CLEC2A: variants seen among roughly 807,000 people sequenced by gnomAD.
CLEC2A encodes keratinocyte-associated C-type lectin.
A neutral mutation model predicts 18.6 loss-of-function variants in CLEC2A; 19 were observed. That is an observed-to-expected ratio of 1.02 (90% confidence interval 0.71 to 1.50). The LOEUF is 1.50. Among genes scored for constraint, CLEC2A ranks in the 40% most tolerant of loss-of-function variants. The pLI is 0.00. For missense variants in CLEC2A, 190 were observed against 207.9 expected, an observed-to-expected ratio of 0.91 and a Z score of 0.53; for synonymous variants, 74 against 64.0, an observed-to-expected ratio of 1.16 and a Z score of -0.75.
downstream of CLEC2A, among the ~76,000 whole-genome samples, chr12:9,911,065 G>A (rs913342084): frequency 5.3e-5 from 8 of 152,262 alleles, no homozygotes; most frequent in South Asian, 4.1e-4. Context: ...TTCCTAACAC[G>A]GTCCCTGCTT....
intron 3 of CLEC2A, among the ~76,000 whole-genome samples, chr12:9,921,600 C>G (rs954224203): frequency 2.0e-5 from 3 of 152,028 alleles, no homozygotes; most frequent in Non-Finnish European, 4.4e-5. Flanking sequence ...AACAAACAAA[C>G]AAACAAACAA....
the CLEC2A span, among the ~76,000 whole-genome samples, chr12:9,883,210 C>T: frequency 1.3e-5 from 2 of 152,110 alleles, no homozygotes; most frequent in Non-Finnish European, 2.9e-5. Context: ...TACACCTATT[C>T]CTTAAGATTG....
In CLEC2A at chr12:9,917,957, C is replaced by A. The variant is rs1013611838; in HGVS notation, c.307-1154G>T. On this transcript the variant is annotated intron_variant, in intron 3 of 4. Coordinates refer to ENST00000455827, the MANE Select transcript of CLEC2A (RefSeq NM_001130711.2). ...CCAATTTTAATAGGGTTGTTTTTCT[C>A]TTGTAAATTTGTTTTAAGTTCCTTA... Among the ~76,000 whole-genome samples, 10 of 151,906 alleles carry A rather than the reference C, an allele frequency of 6.6e-5. No homozygotes were observed. In the South Asian group the frequency reaches 2.1e-3, roughly 32 times the overall value.
chr12:9,915,165 C>A (rs888402648), intron 4 of CLEC2A, among the ~76,000 whole-genome samples: 8 of 151,886 alleles, frequency 5.3e-5, no homozygotes, highest in African/African-American at 1.9e-4. Flanking sequence ...CCATCTCATG[C>A]CAATCAGAAT....
chr12:9,909,621 C>T (rs1862953736), downstream of CLEC2A, among the ~76,000 whole-genome samples: 1 of 152,190 alleles, frequency 6.6e-6, no homozygotes, highest in East Asian at 1.9e-4. Context: ...CTCCCTGCAG[C>T]ACCTCTTTTA....
At chr12:9,898,343 CATCAG>C (rs1430994009), downstream of CLEC2A, among the ~76,000 whole-genome samples, 3 of 152,196 alleles carry the variant, frequency 2.0e-5, no homozygotes, top group African/African-American at 7.2e-5. Flanking sequence ...AACAGAAACT[CATCAG>C]ATCACCACAT....
At chr12:9,919,668 G>T (rs1863132460) in intron 3 of CLEC2A, among the ~76,000 whole-genome samples, 1 of 152,346 alleles carries the variant, frequency 6.6e-6, no homozygotes, top group East Asian at 1.9e-4. Context: ...GGGCACTCAT[G>T]TAACAGTCTG....
At chr12:9,893,567 G>T in the CLEC2A span, 3 of 873,774 alleles carry the variant, frequency 3.4e-6, no homozygotes, top group African/African-American at 1.7e-5. Flanking sequence ...TAAGGGAGGG[G>T]TGCTAATGTT....
At chr12:9,930,242 A>G (rs950981615) in intron 1 of CLEC2A, among the ~76,000 whole-genome samples, 2 of 152,122 alleles carry the variant, frequency 1.3e-5, no homozygotes, top group African/African-American at 4.8e-5. Context: ...ATTAGGTCCC[A>G]ACCTACCGAC....
chr12:9,896,912 T>A (rs1272272169), downstream of CLEC2A, among the ~76,000 whole-genome samples: 1 of 150,080 alleles, frequency 6.7e-6, no homozygotes, highest in East Asian at 2.0e-4. Flanking sequence ...CAGGTTGGAG[T>A]GCAGTGGTGC....
chr12:9,883,799 A>C, the CLEC2A span, among the ~76,000 whole-genome samples: 2 of 152,222 alleles, frequency 1.3e-5, no homozygotes, highest in African/African-American at 4.8e-5. Context: ...TATACTATAG[A>C]TCTAATCAAA....
intron 4 of CLEC2A, among the ~76,000 whole-genome samples, chr12:9,914,424 G>A (rs1483405761): frequency 6.6e-6 from 1 of 152,116 alleles, no homozygotes; most frequent in Non-Finnish European, 1.5e-5. Context: ...TAAACAAAAA[G>A]AGCAAAGCTG....
chr12:9,913,007 T>TAG (rs1266171722), downstream of CLEC2A, among the ~76,000 whole-genome samples: 2 of 152,236 alleles, frequency 1.3e-5, no homozygotes, highest in Admixed American at 6.5e-5. Flanking sequence ...AAGGCAGCTT[T>TAG]GATACAACCT....
intron 3 of CLEC2A, among the ~76,000 whole-genome samples, chr12:9,918,770 G>A (rs988367924): frequency 2.6e-5 from 4 of 152,150 alleles, no homozygotes; most frequent in African/African-American, 9.7e-5. Flanking sequence ...ATGACACTCT[G>A]ACTATTTGAG....
chr12:9,888,819 G>T, the CLEC2A span: 10 of 1,301,274 alleles, frequency 7.7e-6, no homozygotes, highest in Admixed American at 1.8e-4. Flanking sequence ...ACTCTTAGGG[G>T]TAAATTTAGT....
chr12:9,915,144 A>C (rs1387503973), intron 4 of CLEC2A, among the ~76,000 whole-genome samples: 1 of 152,206 alleles, frequency 6.6e-6, no homozygotes, highest in Non-Finnish European at 1.5e-5. Context: ...AATCAAAACA[A>C]TAATGAGATA....
chr12:9,896,639 A>G (rs1191582659), downstream of CLEC2A, among the ~76,000 whole-genome samples: 1 of 152,106 alleles, frequency 6.6e-6, no homozygotes. Flanking sequence ...TATTTTTAAT[A>G]CATGTCTTTA....
intron 2 of CLEC2A, among the ~76,000 whole-genome samples, chr12:9,924,709 C>T (rs1396966854): frequency 6.6e-6 from 1 of 151,872 alleles, no homozygotes; most frequent in South Asian, 2.1e-4. Context: ...TCACATATGC[C>T]GTTATTTCTT....
At chr12:9,885,580 G>A in the CLEC2A span, among the ~76,000 whole-genome samples, 1 of 151,852 alleles carries the variant, frequency 6.6e-6, no homozygotes. Flanking sequence ...CTAAAAATAG[G>A]TGAGTCCTAA....
Sources: allele counts gnomAD v4.1 joint callset (sites outside exome capture counted in the v4.1 genomes callset), GRCh38; gene constraint gnomAD v4.1.1; transcripts MANE v1.5; gene names NCBI Gene and HGNC (gene_info 2026-07-23, HGNC 2026-07-21).